LOXL2: variants seen among roughly 807,000 people sequenced by gnomAD.
LOXL2 encodes the protein lysyl oxidase like 2.
LOXL2 carries 70 observed loss-of-function variants against 93.0 expected under a neutral mutation model. That is an observed-to-expected ratio of 0.75 (90% CI 0.62 to 0.92). The LOEUF (loss-of-function observed/expected upper bound fraction) is 0.92. LOXL2 is among the 40% of genes least tolerant of loss of function. The pLI, the probability that LOXL2 is intolerant of heterozygous loss-of-function variation, is 0.00. For synonymous variants in LOXL2, 438 were observed against 413.2 expected, an observed-to-expected ratio of 1.06 and a Z score of -0.73; for missense variants, 973 against 1,054.9, an observed-to-expected ratio of 0.92 and a Z score of 1.08.
At chr8:23,334,821 G>T (rs966761990) in intron 4 of LOXL2, among the ~76,000 whole-genome samples, 57 of 143,006 alleles carry the variant, frequency 4.0e-4, no homozygotes, top group African/African-American at 1.4e-3. Context: ...ATTTGTTGTT[G>T]TTTTTTTTTT....
In LOXL2 at chr8:23,309,961, GC is replaced by G. The variant is rs535442827; in HGVS notation, c.1637-51del. 58 of 1,407,872 alleles carry G rather than the reference GC, an allele frequency of 4.1e-5. No individual in the cohort carries two copies. In the East Asian group the frequency reaches 1.5e-3, roughly 37 times the overall value. The allele number at this position is 1,407,872 out of a possible 1,614,324, so 87.2% of individuals were successfully genotyped here. On this transcript the variant is annotated intron_variant, in intron 9 of 13. Transcript: ENST00000389131. ...ACAAGGCAAGAGACCCCTCCCCAGG[GC>G]TTCTACTTCTGATTCTTGAGCTGGG...
intron 9 of LOXL2, among the ~76,000 whole-genome samples, chr8:23,310,985 T>C (rs549783062): frequency 9.8e-5 from 15 of 152,376 alleles, no homozygotes; most frequent in African/African-American, 3.6e-4. Flanking sequence ...ATGCCATATA[T>C]GAATCAGTGA....
intron 3 of LOXL2, among the ~76,000 whole-genome samples, chr8:23,355,454 C>T (rs1329139728): frequency 6.7e-6 from 1 of 149,994 alleles, no homozygotes; most frequent in Non-Finnish European, 1.5e-5. Context: ...AGCGACTGGT[C>T]CAAAAGGCAA....
chr8:23,355,115 T>C (rs892711122), intron 3 of LOXL2, among the ~76,000 whole-genome samples: 2 of 151,482 alleles, frequency 1.3e-5, no homozygotes, highest in African/African-American at 4.9e-5. Flanking sequence ...CCCAGCTAAT[T>C]TGTATTTTTA....
At chr8:23,327,598 C>T (rs1793535625) in intron 6 of LOXL2, among the ~76,000 whole-genome samples, 1 of 152,176 alleles carries the variant, frequency 6.6e-6, no homozygotes, top group Non-Finnish European at 1.5e-5. Context: ...TGACTTCCCT[C>T]ACTCAAGTCA....
Position 23,368,289 on chromosome 8 carries a change from G to T in LOXL2, c.63C>A (p.Pro21=), listed in dbSNP as rs775715944. 5.0e-6 allele frequency: 8 copies of T among 1,613,446 alleles called. No individual in the cohort carries two copies. Among genetic ancestry groups the T allele is most frequent in the Middle Eastern group, 1.6e-4 (1 of 6,084 alleles). The change falls in exon 2 of 14, where the codon CCC becomes CCA. Residue 21 remains proline (P), a synonymous_variant. Transcript: ENST00000389131. ...SCLAMLALLS[P]LSLAQYDSWP... ...AGCTGTCATACTGTGCCAGGCTCAG[G>T]GGGGACAGGAGGGCCAGCATAGCCA...
chr8:23,403,551 C>T (rs951425200), intron 1 of LOXL2, among the ~76,000 whole-genome samples: 2 of 152,182 alleles, frequency 1.3e-5, no homozygotes, highest in Admixed American at 1.3e-4. Context: ...ACCCGTCCCC[C>T]GCGTGCCCCA....
chr8:23,346,083 T>TAATAAAATAA lies in LOXL2; in HGVS notation c.532-4890_532-4881dup, dbSNP rs10624286. On this transcript the variant is annotated intron_variant, in intron 3 of 13. Coordinates refer to ENST00000389131, the MANE Select transcript of LOXL2 (RefSeq NM_002318.3). ...ACTCCGTCTCAAAAATAAAATAAAA[T>TAATAAAATAA]AATAAAATAAAATAAAATAAAATAA... Among the ~76,000 whole-genome samples, 45 of 74,012 alleles carry TAATAAAATAA rather than the reference T, an allele frequency of 6.1e-4. 3 individuals are homozygous for TAATAAAATAA. The highest frequency in any genetic ancestry group is 3.8e-3 in the East Asian group (10 of 2,660). The allele number at this position is 74,012 out of a possible 152,430, so 48.6% of individuals were successfully genotyped here.
chr8:23,325,560 G>C (rs1803564873), intron 6 of LOXL2, among the ~76,000 whole-genome samples: 1 of 152,130 alleles, frequency 6.6e-6, no homozygotes, highest in Admixed American at 6.5e-5. Flanking sequence ...CCAAAGTCCT[G>C]GGATTACAGG....
intron 4 of LOXL2, among the ~76,000 whole-genome samples, chr8:23,339,631 C>G (rs561657554): frequency 1.3e-5 from 2 of 152,314 alleles, no homozygotes; most frequent in East Asian, 3.9e-4. Context: ...AGGTAGGAAG[C>G]CTGCCAGGGA....
At chr8:23,380,794 C>A (rs4871868) in intron 1 of LOXL2, among the ~76,000 whole-genome samples, 88,783 of 151,922 alleles carry the variant, frequency 0.58, 26,540 homozygotes, top group East Asian at 0.79. Flanking sequence ...TGGCCAATCG[C>A]TTGAGGTCAG....
intron 1 of LOXL2, among the ~76,000 whole-genome samples, chr8:23,389,406 C>T (rs1246548799): frequency 2.0e-5 from 3 of 152,084 alleles, no homozygotes; most frequent in Non-Finnish European, 4.4e-5. Flanking sequence ...ATAGAATTCA[C>T]CTGCTTAATG....
At chr8:23,353,019 AGTGGGGTGGG>A (rs1449998818) in intron 3 of LOXL2, among the ~76,000 whole-genome samples, 2 of 9,074 alleles carry the variant, frequency 2.2e-4, no homozygotes, top group Non-Finnish European at 4.6e-4. Context: ...GGAGGGGTGG[AGTGGGGTGGG>A]GTGAGGTGGG....
intron 2 of LOXL2, chr8:23,364,984 C>G (rs1804374737): frequency 6.6e-6 from 1 of 152,256 alleles, no homozygotes; most frequent in Admixed American, 6.5e-5. Context: ...AGAGCAACCA[C>G]CTTAGCTTCA....
chr8:23,318,911 T>A (rs566397769), intron 8 of LOXL2, among the ~76,000 whole-genome samples: 2 of 152,142 alleles, frequency 1.3e-5, no homozygotes, highest in South Asian at 2.1e-4. Context: ...GGACCTCCCA[T>A]TGGAGCAACC....
At chr8:23,398,041 AAG>A (rs1339260419) in intron 1 of LOXL2, among the ~76,000 whole-genome samples, 3 of 152,130 alleles carry the variant, frequency 2.0e-5, no homozygotes, top group Admixed American at 1.3e-4. Flanking sequence ...ATATTTAGAA[AAG>A]TATCTTTCTC....
At chr8:23,400,136 G>A (rs1257692816) in intron 1 of LOXL2, among the ~76,000 whole-genome samples, 1 of 152,096 alleles carries the variant, frequency 6.6e-6, no homozygotes, top group Non-Finnish European at 1.5e-5. Context: ...TTTCTTCTTC[G>A]CTCCATTTCA....
chr8:23,311,130 C>T (rs937974504), intron 9 of LOXL2, among the ~76,000 whole-genome samples: 7 of 152,172 alleles, frequency 4.6e-5, no homozygotes, highest in East Asian at 1.9e-4. Context: ...TTCACCAGCA[C>T]GTGGAGTGAG....
intron 2 of LOXL2, among the ~76,000 whole-genome samples, chr8:23,367,365 T>G (rs575053042): frequency 6.6e-6 from 1 of 152,298 alleles, no homozygotes; most frequent in African/African-American, 2.4e-5. Context: ...TAAAACAATT[T>G]TTAAAAATAA....
Sources: allele counts gnomAD v4.1 joint callset (sites outside exome capture counted in the v4.1 genomes callset), GRCh38; gene constraint gnomAD v4.1.1; transcripts MANE v1.5; gene names NCBI Gene and HGNC (gene_info 2026-07-23, HGNC 2026-07-21).